Variants in SLC3A1 observed in about 807,000 individuals in gnomAD.
SLC3A1 encodes amino acid transporter heavy chain SLC3A1.
In SLC3A1, 78 loss-of-function variants were observed where a neutral mutation model predicts 60.3. That is an observed-to-expected ratio of 1.29 (90% CI 1.08 to 1.56). The LOEUF (loss-of-function observed/expected upper bound fraction) is 1.56, where lower values mean the gene tolerates loss of function less well. SLC3A1 is among the 40% of genes most tolerant of loss of function. The pLI, the probability that SLC3A1 is intolerant of heterozygous loss-of-function variation, is 0.00. For missense variants in SLC3A1, 1,172 were observed against 858.9 expected (o/e 1.36, Z -4.56); for synonymous variants, 392 against 307.9 (o/e 1.27, Z -2.86).
downstream of SLC3A1, chr2:44,321,746 C>T (rs1339939176): frequency 1.9e-6 from 3 of 1,611,560 alleles, no homozygotes; most frequent in Admixed American, 1.7e-5. Context: ...TTGTCATAAA[C>T]CTGCTGCAAC....
At chr2:44,300,944 C>G in intron 5 of SLC3A1, 59 bp from the exon 6 acceptor site, 8 of 1,607,968 alleles carry the variant, frequency 5.0e-6, no homozygotes, top group Non-Finnish European at 6.8e-6. Flanking sequence ...TCATATAGAG[C>G]GAGCTGTGGG....
At chr2:44,284,610 T>TGA (rs1671573488) in intron 3 of SLC3A1, among the ~76,000 whole-genome samples, 1 of 152,184 alleles carries the variant, frequency 6.6e-6, no homozygotes, top group Non-Finnish European at 1.5e-5. Context: ...TCACCCAGGC[T>TGA]GAAGCATAGT....
intron 7 of SLC3A1, among the ~76,000 whole-genome samples, chr2:44,308,108 A>C (rs1558466635): frequency 6.6e-6 from 1 of 152,180 alleles, no homozygotes; most frequent in Non-Finnish European, 1.5e-5. Context: ...GGTGAACTCC[A>C]GCCTGGGTGA....
At position 44,312,627 on chromosome 2, in the gene SLC3A1, G is replaced by C. The variant is rs1402984821; in HGVS notation, c.1374G>C (p.Gly458=). 1 of 1,613,962 alleles carries C rather than the reference G, an allele frequency of 6.2e-7. No individual in the cohort carries two copies. Among genetic ancestry groups the C allele is most frequent in the Non-Finnish European group, 8.5e-7 (1 of 1,179,882 alleles). ...PDSSRLTSRL[G]NQYVNVMNML... ...GTTCACGGCTGACTTCGCGTTTGGG[G>C]AATCAGTATGTCAACGTGATGAACA... The change falls in exon 8 of 10, where the codon GGG becomes GGC. Residue 458 remains glycine, a synonymous_variant. Transcript: ENST00000260649.
chr2:44,282,798 C>T (rs904200990), intron 3 of SLC3A1, among the ~76,000 whole-genome samples: 1 of 152,006 alleles, frequency 6.6e-6, no homozygotes, highest in Non-Finnish European at 1.5e-5. Flanking sequence ...GCTGGGACCA[C>T]AAATGTGTGC....
intron 7 of SLC3A1, among the ~76,000 whole-genome samples, chr2:44,306,242 C>T (rs1274925858): frequency 2.0e-5 from 3 of 152,152 alleles, no homozygotes; most frequent in East Asian, 1.9e-4. Context: ...TGATACTTTT[C>T]GCACAGATCC....
chr2:44,302,268 A>G (rs1672031815), intron 6 of SLC3A1, among the ~76,000 whole-genome samples: 1 of 152,188 alleles, frequency 6.6e-6, no homozygotes, highest in Non-Finnish European at 1.5e-5. Flanking sequence ...TGTCTCATCA[A>G]TAAAAAAGTG....
At chr2:44,284,735 T>C (rs1396368536) in intron 3 of SLC3A1, among the ~76,000 whole-genome samples, 1 of 151,946 alleles carries the variant, frequency 6.6e-6, no homozygotes, top group Non-Finnish European at 1.5e-5. Context: ...GGCTGAGTTT[T>C]TTTATTTTTT....
At chr2:44,293,482 A>G (rs1671781547) in intron 4 of SLC3A1, among the ~76,000 whole-genome samples, 1 of 151,596 alleles carries the variant, frequency 6.6e-6, no homozygotes, top group Non-Finnish European at 1.5e-5. Flanking sequence ...ATGCCACTGC[A>G]CTCCAGCCTG....
intron 6 of SLC3A1, among the ~76,000 whole-genome samples, chr2:44,302,751 A>T (rs538894153): frequency 6.6e-6 from 1 of 152,216 alleles, no homozygotes; most frequent in Admixed American, 6.5e-5. Context: ...TGAAGAAAAT[A>T]CCCCACCTAA....
intron 8 of SLC3A1, among the ~76,000 whole-genome samples, chr2:44,313,518 C>T (rs1468800575): frequency 1.3e-5 from 2 of 152,072 alleles, no homozygotes; most frequent in African/African-American, 2.4e-5. Context: ...TAGTAGAAGT[C>T]GTGTAAACTG....
intron 8 of SLC3A1, 133 bp downstream of exon 8, chr2:44,312,886 CTTACTG>C: frequency 4.0e-6 from 3 of 747,060 alleles, no homozygotes; most frequent in Non-Finnish European, 4.5e-6. Flanking sequence ...GCTTTTCTTT[CTTACTG>C]TTAGTAAGAA....
intron 7 of SLC3A1, among the ~76,000 whole-genome samples, chr2:44,309,739 CA>C (rs1672247035): frequency 6.6e-6 from 1 of 152,180 alleles, no homozygotes; most frequent in Non-Finnish European, 1.5e-5. Context: ...GCTTGGATTA[CA>C]GGCATGTGCC....
At chr2:44,292,196 C>T (rs1454928047) in intron 4 of SLC3A1, among the ~76,000 whole-genome samples, 1 of 152,040 alleles carries the variant, frequency 6.6e-6, no homozygotes, top group Non-Finnish European at 1.5e-5. Context: ...TATGGGAATG[C>T]TGAGCCCCAG....
intron 3 of SLC3A1, among the ~76,000 whole-genome samples, chr2:44,283,168 A>C (rs1447988998): frequency 6.6e-6 from 1 of 152,092 alleles, no homozygotes; most frequent in Non-Finnish European, 1.5e-5. Flanking sequence ...TAAATATTTA[A>C]ACATCAACTT....
chr2:44,303,044 C>CA (rs555508465), intron 6 of SLC3A1, among the ~76,000 whole-genome samples: 90 of 151,438 alleles, frequency 5.9e-4, no homozygotes, highest in Admixed American at 2.4e-3. Context: ...ACTAAAAACA[C>CA]AAAAAAATTA....
intron 4 of SLC3A1, among the ~76,000 whole-genome samples, chr2:44,295,530 T>C (rs1183016327): frequency 6.6e-6 from 1 of 152,200 alleles, no homozygotes; most frequent in African/African-American, 2.4e-5. Flanking sequence ...AGAGCAAACT[T>C]TGGATTATCT....
intron 1 of SLC3A1, among the ~76,000 whole-genome samples, chr2:44,279,192 GT>G (rs1671417065): frequency 6.6e-6 from 1 of 152,026 alleles, no homozygotes; most frequent in African/African-American, 2.4e-5. Flanking sequence ...TAGAAATGGG[GT>G]TTCACCATGT....
At chr2:44,307,817 A>G (rs185471849) in intron 7 of SLC3A1, among the ~76,000 whole-genome samples, 2 of 152,326 alleles carry the variant, frequency 1.3e-5, no homozygotes, top group East Asian at 3.9e-4. Flanking sequence ...TGAAAAGCAC[A>G]GAAGTTTTTA....
Sources: gnomAD v4.1 joint callset for allele counts (sites outside exome capture counted in the v4.1 genomes callset) on GRCh38, gnomAD v4.1.1 for gene constraint, MANE v1.5 for transcripts, NCBI Gene and HGNC (gene_info 2026-07-23, HGNC 2026-07-21) for gene names.